Variants in SORCS1 observed in about 807,000 individuals in gnomAD.
SORCS1 encodes VPS10 domain-containing receptor SorCS1.
Under a neutral mutation model 146.1 loss-of-function variants are expected in SORCS1, and 60 were observed. The observed-to-expected ratio is 0.41, with a 90% CI of 0.33 to 0.51. SORCS1 has a LOEUF of 0.51. Ranked by LOEUF, SORCS1 falls within the 20% of genes least tolerant of loss-of-function variation. The pLI is 0.21. For synonymous variants in SORCS1, 637 were observed against 584.0 expected, an observed-to-expected ratio of 1.09 and a Z score of -1.31; for missense variants, 1,352 against 1,487.6, an observed-to-expected ratio of 0.91 and a Z score of 1.50.
Position 107,060,857 on chromosome 10 carries a change from G to GTT in SORCS1, c.558+103111_558+103112insAA, listed in dbSNP as rs1961143259. Among the ~76,000 whole-genome samples, 29 of 151,898 alleles carry GTT rather than the reference G, an allele frequency of 1.9e-4. No individual in the cohort carries two copies. Among genetic ancestry groups the GTT allele is most frequent in the Admixed American group, 1.9e-3 (29 of 15,248 alleles). On this transcript the variant is annotated intron_variant, in intron 1 of 25. Coordinates refer to ENST00000263054, the MANE Select transcript of SORCS1 (RefSeq NM_052918.5). This position sits in a 1 kb window ranked among gnomAD's most constrained non-coding sequence, Gnocchi z 4.1. ...AAATCATATTTTAGTTAATTTTATT[G>GTT]AATCACAAGCCTCTAAACTAATGTC...
intron 1 of SORCS1, among the ~76,000 whole-genome samples, chr10:106,996,778 T>G (rs1285270949): frequency 6.6e-6 from 1 of 152,204 alleles, no homozygotes; most frequent in Non-Finnish European, 1.5e-5. Flanking sequence ...TGGTACTCTT[T>G]GGGAAGATGA....
intron 1 of SORCS1, among the ~76,000 whole-genome samples, chr10:107,145,967 T>G (rs527371225): frequency 2.3e-4 from 35 of 152,334 alleles, no homozygotes; most frequent in African/African-American, 6.7e-4. Context: ...CATTTTGTCA[T>G]GTACACATAA....
intron 24 of SORCS1, among the ~76,000 whole-genome samples, chr10:106,588,229 C>A (rs1474276359): frequency 6.6e-6 from 1 of 152,196 alleles, no homozygotes; most frequent in Non-Finnish European, 1.5e-5. Context: ...ATTTAATATG[C>A]CCCAGATTCA....
intron 2 of SORCS1, among the ~76,000 whole-genome samples, chr10:106,935,198 A>T (rs550812740): frequency 6.6e-5 from 10 of 152,350 alleles, no homozygotes; most frequent in African/African-American, 2.4e-4. Flanking sequence ...TAGCTTTTAC[A>T]ATCAGAAGAG....
intron 3 of SORCS1, among the ~76,000 whole-genome samples, chr10:106,799,038 A>T (rs1302658892): frequency 6.6e-6 from 1 of 152,192 alleles, no homozygotes; most frequent in Admixed American, 6.5e-5. Flanking sequence ...AGAGATATAG[A>T]TCAACGGAAC....
At chr10:107,123,948 G>T (rs570261267) in intron 1 of SORCS1, among the ~76,000 whole-genome samples, 2 of 151,520 alleles carry the variant, frequency 1.3e-5, no homozygotes, top group Admixed American at 6.6e-5. Context: ...TGAGCTGGGC[G>T]TGGTGGCGGG....
At chr10:106,890,811 C>T (rs1344254839) in intron 2 of SORCS1, among the ~76,000 whole-genome samples, 3 of 109,920 alleles carry the variant, frequency 2.7e-5, no homozygotes, top group East Asian at 2.8e-4. Context: ...TATATACATA[C>T]ATTTTTTTTT....
chr10:106,989,103 A>C (rs2139441705), intron 1 of SORCS1, among the ~76,000 whole-genome samples: 1 of 143,692 alleles, frequency 7.0e-6, no homozygotes, highest in East Asian at 2.0e-4. Context: ...TACTAAAAAT[A>C]CAAAAAAAAA....
chr10:106,889,895 A>T (rs922163523), intron 2 of SORCS1, among the ~76,000 whole-genome samples: 6 of 150,664 alleles, frequency 4.0e-5, no homozygotes, highest in African/African-American at 9.7e-5. Context: ...AAATAAAAAA[A>T]AAAAAAAAAA....
At chr10:106,748,657 G>A (rs1315933510) in intron 5 of SORCS1, among the ~76,000 whole-genome samples, 4 of 152,064 alleles carry the variant, frequency 2.6e-5, no homozygotes, top group Admixed American at 2.6e-4. Context: ...TCCATTTGAT[G>A]AAAATTTAGA....
At chr10:107,127,561 T>C in intron 1 of SORCS1, among the ~76,000 whole-genome samples, 1 of 152,194 alleles carries the variant, frequency 6.6e-6, no homozygotes, top group Non-Finnish European at 1.5e-5. Flanking sequence ...TGGGATCATG[T>C]TCCTGAAGAT....
At position 106,726,944 on chromosome 10, in the gene SORCS1, G is replaced by A. The variant is rs372969451; in HGVS notation, c.1024+3106C>T. On this transcript the variant is annotated intron_variant, in intron 6 of 25. Coordinates refer to ENST00000263054, the MANE Select transcript of SORCS1 (RefSeq NM_052918.5). ...TACTAAAAATACAAAAAATTAGCCG[G>A]GCGTGGTAGCGGGTGCCTGTAGTCC... is the stretch of plus-strand genomic sequence containing the variant. Among the ~76,000 whole-genome samples, 13 of 152,150 alleles carry A rather than the reference G, an allele frequency of 8.5e-5. No individual in the cohort carries two copies. In the East Asian group the frequency reaches 1.9e-3, roughly 23 times the overall value.
chr10:106,982,125 T>C lies in SORCS1; in HGVS notation c.559-25545A>G, dbSNP rs188971557. On this transcript the variant is annotated intron_variant, in intron 1 of 25. Coordinates refer to ENST00000263054, the MANE Select transcript of SORCS1 (RefSeq NM_052918.5). ...AGGTATAATTTAAAAAATTGGAACG[T>C]AGTCTTCGATTAGATTGTGTAGAAA... Among the ~76,000 whole-genome samples the C allele has an allele frequency of 2.0e-5, 3 of 152,344 alleles. No individual in the cohort carries two copies. In the East Asian group the frequency reaches 5.8e-4, roughly 29 times the overall value.
chr10:106,895,752 T>C (rs975024472), intron 2 of SORCS1, among the ~76,000 whole-genome samples: 8 of 152,162 alleles, frequency 5.3e-5, no homozygotes, highest in Non-Finnish European at 1.0e-4. Context: ...AAAAATAGAA[T>C]TGCCATTTGA....
intron 2 of SORCS1, among the ~76,000 whole-genome samples, chr10:106,850,495 T>G (rs1027751943): frequency 1.2e-4 from 19 of 152,044 alleles, no homozygotes; most frequent in Non-Finnish European, 2.1e-4. Flanking sequence ...TGGCACTCCC[T>G]AGTGAGATGA....
At chr10:106,667,273 G>C (rs1011427768) in intron 17 of SORCS1, 1 of 167,892 alleles carries the variant, frequency 6.0e-6, no homozygotes, top group African/African-American at 2.4e-5. Context: ...CTTTTGAAAA[G>C]TCAGTGAGTT....
chr10:106,803,384 A>G (rs796166549), intron 3 of SORCS1, among the ~76,000 whole-genome samples: 18 of 152,332 alleles, frequency 1.2e-4, no homozygotes, highest in African/African-American at 4.1e-4. Context: ...CACACTTATA[A>G]GAGTATTTAT....
intron 1 of SORCS1, among the ~76,000 whole-genome samples, chr10:107,141,653 T>A (rs534597194): frequency 6.6e-6 from 1 of 152,272 alleles, no homozygotes; most frequent in South Asian, 2.1e-4. Context: ...AGGAATCCCT[T>A]GGGTTTCCAG....
chr10:107,106,633 C>A (rs1965325886), intron 1 of SORCS1, among the ~76,000 whole-genome samples: 1 of 152,124 alleles, frequency 6.6e-6, no homozygotes, highest in Non-Finnish European at 1.5e-5. Flanking sequence ...AATAAAGATT[C>A]TCCTTTTTAA....
Sources: gnomAD v4.1 joint callset for allele counts (sites outside exome capture counted in the v4.1 genomes callset) on GRCh38, gnomAD v4.1.1 for gene constraint, Gnocchi (gnomAD v3.1) non-coding constraint, MANE v1.5 for transcripts, NCBI Gene and HGNC (gene_info 2026-07-23, HGNC 2026-07-21) for gene names.